The following ZFYVE26 variants were observed in gnomAD, a reference collection of about 807,000 sequenced individuals.
The protein encoded by ZFYVE26 is zinc finger FYVE domain-containing protein 26.
Under a neutral mutation model 276.5 loss-of-function variants are expected in ZFYVE26, and 181 were observed. The observed-to-expected ratio is 0.65, with a 90% confidence interval of 0.58 to 0.74. ZFYVE26 has a LOEUF of 0.74. Among genes scored for constraint, ZFYVE26 ranks in the 30% least tolerant of loss-of-function variants. The pLI is 0.00. For missense variants in ZFYVE26, 2,821 were observed against 3,097.9 expected (o/e 0.91, Z 2.12); for synonymous variants, 1,129 against 1,203.1 (o/e 0.94, Z 1.27).
chr14:67,761,755 TA>T, intron 34 of ZFYVE26, 171 bp from the exon 35 acceptor site: 1 of 516,734 alleles, frequency 1.9e-6, no homozygotes, highest in East Asian at 3.0e-5. Context: ...TAAAGTATGA[TA>T]AAAAAATAAA....
intron 13 of ZFYVE26, among the ~76,000 whole-genome samples, chr14:67,737,991 T>C (rs903655302): frequency 1.3e-5 from 2 of 152,226 alleles, no homozygotes; most frequent in African/African-American, 4.8e-5. Flanking sequence ...TAAGTCAAGA[T>C]ATTTAACCTG....
chr14:67,755,555 T>C (rs1432667260), intron 36 of ZFYVE26, among the ~76,000 whole-genome samples: 1 of 152,216 alleles, frequency 6.6e-6, no homozygotes, highest in Non-Finnish European at 1.5e-5. Context: ...TTCAATTTAG[T>C]ACTGACTATC....
In ZFYVE26 at chr14:67,781,224, C is replaced by T. The variant is rs1029512548; in HGVS notation, c.4569+109G>A. ...AACTGAAGCCAGATGCAAAGCAAAA[C>T]CCAGACCTATATTTTCTCTTTCTTA... is the stretch of plus-strand genomic sequence containing the variant. On this transcript the variant is annotated intron_variant, in intron 22 of 41. Transcript: ENST00000347230. 6.6e-6 allele frequency: 9 copies of T among 1,369,258 alleles called. No homozygotes were observed. The Admixed American group carries it at 8.4e-5, about 13-fold the overall frequency. 84.8% of individuals were successfully genotyped at this position (1,369,258 alleles called of 1,614,324 possible).
At chr14:67,802,350 C>T in intron 9 of ZFYVE26, 68 bp from the exon 10 acceptor site, 1 of 1,501,320 alleles carries the variant, frequency 6.7e-7, no homozygotes, top group Non-Finnish European at 9.2e-7. Context: ...ATGGGTGAAG[C>T]AAAGAGATGC....
intron 25 of ZFYVE26, 141 bp downstream of exon 25, chr14:67,777,418 G>C (rs865898245): frequency 7.4e-7 from 1 of 1,351,750 alleles, no homozygotes; most frequent in African/African-American, 1.4e-5. Flanking sequence ...CAGGTGCCTG[G>C]CAAAAGAGCC....
rs777683371 is a variant in ZFYVE26 at position 67,807,847 on chromosome 14, G to C, written c.437C>G (p.Thr146Ser). 6.2e-7 allele frequency: 1 copy of C among 1,613,944 alleles called. No individual in the cohort carries two copies. The highest frequency in any genetic ancestry group is 8.5e-7 in the Non-Finnish European group (1 of 1,179,888). Residue 146 changes from threonine (T) to serine (S), a missense_variant, in exon 5 of 42, where the codon ACT becomes AGT. Coordinates refer to ENST00000347230, the MANE Select transcript of ZFYVE26 (RefSeq NM_015346.4). ...GACAGCTTCGGAGCTGAGACGAGGAGTCCAGCTCTCCCTCCTTGGATTTCC... is the reference window on the plus strand; with the variant it reads ...GACAGCTTCGGAGCTGAGACGAGGACTCCAGCTCTCCCTCCTTGGATTTCC... ...PDGNPRRESW[T>S]PRLSSEAVSV...
chr14:67,749,317 C>T (rs1021444205), intron 41 of ZFYVE26, among the ~76,000 whole-genome samples: 4 of 152,140 alleles, frequency 2.6e-5, no homozygotes, highest in Non-Finnish European at 4.4e-5. Flanking sequence ...GTCGAATTAA[C>T]GTCTAACCCC....
Position 67,800,475 on chromosome 14 carries a change from G to GT in ZFYVE26, c.1639+1603dup, listed in dbSNP as rs564499090. 3.4e-3 allele frequency among the ~76,000 whole-genome samples: 513 copies of GT among 152,162 alleles called. 2 individuals carry two copies. The highest frequency in any genetic ancestry group is 0.012 in the African/African-American group (485 of 41,508). On this transcript the variant is annotated intron_variant, in intron 10 of 41. Transcript: ENST00000347230. ...AAACTGTATGTATTAAATATGTCCA[G>GT]TTTTTTGGTTAAAAAAAAAATTGCA...
At chr14:67,766,891 C>G (rs370871474) in intron 31 of ZFYVE26, among the ~76,000 whole-genome samples, 3 of 151,792 alleles carry the variant, frequency 2.0e-5, no homozygotes, top group African/African-American at 7.2e-5. Flanking sequence ...TTTGTAGAGA[C>G]GGGGATTTCA....
chr14:67,778,367 T>C (rs1406598700), intron 23 of ZFYVE26, 119 bp from the exon 24 acceptor site: 4 of 1,298,136 alleles, frequency 3.1e-6, no homozygotes, highest in Non-Finnish European at 3.3e-6. Flanking sequence ...TTCACTATGA[T>C]GAAAATGATT....
At chr14:67,794,507 A>G (rs1410808501) in intron 12 of ZFYVE26, among the ~76,000 whole-genome samples, 3 of 152,252 alleles carry the variant, frequency 2.0e-5, no homozygotes, top group Non-Finnish European at 4.4e-5. Flanking sequence ...AGAACTTTCA[A>G]GTTATTTTTA....
downstream of ZFYVE26, among the ~76,000 whole-genome samples, chr14:67,745,140 T>C (rs2038466188): frequency 6.6e-6 from 1 of 152,230 alleles, no homozygotes; most frequent in Admixed American, 6.5e-5. Flanking sequence ...ATTGTGGTTT[T>C]GATTTGCATT....
At chr14:67,794,552 G>A (rs1189042849) in intron 12 of ZFYVE26, among the ~76,000 whole-genome samples, 1 of 152,196 alleles carries the variant, frequency 6.6e-6, no homozygotes, top group African/African-American at 2.4e-5. Flanking sequence ...AGTAAGCACT[G>A]GCAGTATTCT....
At chr14:67,737,560 A>C (rs1308998544) in intron 13 of ZFYVE26, among the ~76,000 whole-genome samples, 3 of 152,148 alleles carry the variant, frequency 2.0e-5, no homozygotes, top group Non-Finnish European at 4.4e-5. Flanking sequence ...CTCCCTCAAC[A>C]CATGGGGATT....
At chr14:67,799,524 G>C in intron 10 of ZFYVE26, 1 of 1,588,212 alleles carries the variant, frequency 6.3e-7, no homozygotes, top group Non-Finnish European at 8.6e-7. Context: ...GAAATGGACA[G>C]TTTTCTGGCT....
At chr14:67,751,030 G>A (rs746737366) in intron 41 of ZFYVE26, 22 bp downstream of exon 41, 33 of 1,614,006 alleles carry the variant, frequency 2.0e-5, no homozygotes, top group East Asian at 2.2e-5. Context: ...CATCACCAGC[G>A]TTTGGAGACA....
chr14:67,731,061 A>G (rs1044531762), intron 13 of ZFYVE26, among the ~76,000 whole-genome samples: 3 of 152,214 alleles, frequency 2.0e-5, no homozygotes, highest in Non-Finnish European at 4.4e-5. Context: ...TAAAGTACAT[A>G]TTTATTAACT....
intron 10 of ZFYVE26, among the ~76,000 whole-genome samples, chr14:67,800,924 TATAAATAAATAA>T (rs148005245): frequency 7.4e-5 from 11 of 148,620 alleles, no homozygotes; most frequent in South Asian, 2.1e-4. Flanking sequence ...AAAGTTACCG[TATAAATAAATAA>T]ATAAATAAAT....
Position 67,729,223 on chromosome 14 carries a change from G to C in ZFYVE26, n.3276C>G, listed in dbSNP as rs2038232614. The C allele has an allele frequency of 6.2e-7, 1 of 1,611,882 alleles. No homozygotes were observed. Among genetic ancestry groups the C allele is most frequent in the African/African-American group, 1.3e-5 (1 of 75,012 alleles). ...GGTCACCACCTACGCAGTGCACCCAGGCGTCGTCCGCTCTGAGCTGGTCCG... is the reference window on the plus strand; with the variant it reads ...GGTCACCACCTACGCAGTGCACCCACGCGTCGTCCGCTCTGAGCTGGTCCG... On this transcript the variant is annotated non_coding_transcript_exon_variant, in exon 14 of 15. Transcript: ENST00000394455.
Sources: gnomAD v4.1 joint callset for allele counts (sites outside exome capture counted in the v4.1 genomes callset) on GRCh38, gnomAD v4.1.1 for gene constraint, MANE v1.5 for transcripts, NCBI Gene and HGNC (gene_info 2026-07-23, HGNC 2026-07-21) for gene names.